The following LEF1 variants were observed in gnomAD, a reference collection of about 807,000 sequenced individuals.
LEF1 encodes lymphoid enhancer-binding factor 1.
LEF1 carries 14 observed loss-of-function variants against 51.2 expected under a neutral mutation model. That is an observed-to-expected ratio of 0.27 (90% CI 0.18 to 0.43). The LOEUF is 0.43. Ranked by LOEUF, LEF1 falls within the 20% of genes least tolerant of loss-of-function variation. The pLI is 1.00. For synonymous variants in LEF1, 185 were observed against 183.2 expected (o/e 1.01, Z -0.08); for missense variants, 386 against 512.0 (o/e 0.75, Z 2.37).
rs140504175 is a variant in LEF1, at chr4:108,051,568, G to A, written c.*7-2817C>T. Among the ~76,000 whole-genome samples, 98 of 152,320 alleles carry A rather than the reference G, an allele frequency of 6.4e-4. No homozygotes were observed. The East Asian group carries it at 0.013, about 21-fold the overall frequency. ...AGCCCAACCCACCAGTGAAGTCTGCGCAATCAAAGCCAGCAATTACTGCTC... is the reference window on the plus strand; with the variant it reads ...AGCCCAACCCACCAGTGAAGTCTGCACAATCAAAGCCAGCAATTACTGCTC... On this transcript the variant is annotated intron_variant, in intron 11 of 11. Coordinates refer to ENST00000265165, the MANE Select transcript of LEF1 (RefSeq NM_016269.5).
chr4:108,124,685 C>T (rs771248137), intron 3 of LEF1, among the ~76,000 whole-genome samples: 5 of 152,014 alleles, frequency 3.3e-5, no homozygotes, highest in Non-Finnish European at 5.9e-5. Context: ...ATTGCTTTAG[C>T]GAAACATCCA....
At chr4:108,068,097 G>A (rs1286314646) in intron 9 of LEF1, among the ~76,000 whole-genome samples, 4 of 148,934 alleles carry the variant, frequency 2.7e-5, no homozygotes, top group South Asian at 2.1e-4. Context: ...GAGAAACCCC[G>A]TCTCTACTAA....
At chr4:108,096,855 A>G (rs1345149048) in intron 3 of LEF1, among the ~76,000 whole-genome samples, 1 of 152,240 alleles carries the variant, frequency 6.6e-6, no homozygotes, top group Non-Finnish European at 1.5e-5. Context: ...AACATCATTA[A>G]TCATCAGAGA....
chr4:108,106,065 AC>A (rs894750259), intron 3 of LEF1, among the ~76,000 whole-genome samples: 1 of 152,192 alleles, frequency 6.6e-6, no homozygotes, highest in African/African-American at 2.4e-5. Flanking sequence ...CTACTACCAG[AC>A]CCAGTCACAA....
Position 108,157,164 on chromosome 4 carries a change from C to CTA in LEF1, c.414+6403_414+6404insTA, listed in dbSNP as rs1469950332. ...ACCTCTTCATTCTCTCTCTCTCTCTCTCTCTATATATATATACACACACAC... is the reference window on the plus strand; with the variant it reads ...ACCTCTTCATTCTCTCTCTCTCTCTCTATCTCTATATATATATACACACACAC... On this transcript the variant is annotated intron_variant, in intron 3 of 11. Coordinates refer to ENST00000265165, the MANE Select transcript of LEF1 (RefSeq NM_016269.5). Among the ~76,000 whole-genome samples the CTA allele has an allele frequency of 8.7e-3, 683 of 78,748 alleles. 13 individuals carry two copies. Among genetic ancestry groups the CTA allele is most frequent in the East Asian group, 0.072 (189 of 2,616 alleles). 51.7% of individuals were successfully genotyped at this position (78,748 alleles called of 152,430 possible). A position where few individuals can be genotyped will look rare whatever the true frequency, so the allele number is the denominator to read the frequency against.
At chr4:108,147,593 G>A (rs1031211850) in intron 3 of LEF1, among the ~76,000 whole-genome samples, 3 of 152,030 alleles carry the variant, frequency 2.0e-5, no homozygotes, top group Non-Finnish European at 4.4e-5. Flanking sequence ...ACTTTTTGTT[G>A]GCTTCACATT....
At chr4:108,061,215 TA>T (rs201121161) in intron 11 of LEF1, among the ~76,000 whole-genome samples, 2,415 of 152,268 alleles carry the variant, frequency 0.016, 29 homozygotes, top group African/African-American at 0.029. Context: ...GAGAATGTTT[TA>T]GGGGGGTAGG....
At chr4:108,160,485 T>C (rs550125653) in intron 3 of LEF1, among the ~76,000 whole-genome samples, 2 of 152,288 alleles carry the variant, frequency 1.3e-5, no homozygotes, top group South Asian at 2.1e-4. Context: ...TATGTCATGA[T>C]AGGTGCTTTC....
At chr4:108,062,756 G>A (rs1376078241) in intron 11 of LEF1, among the ~76,000 whole-genome samples, 1 of 152,152 alleles carries the variant, frequency 6.6e-6, no homozygotes, top group African/African-American at 2.4e-5. Context: ...TAGGGCTATG[G>A]CAGTGGTAAG....
chr4:108,138,159 G>A (rs1450874488), intron 3 of LEF1, among the ~76,000 whole-genome samples: 1 of 152,090 alleles, frequency 6.6e-6, no homozygotes, highest in South Asian at 2.1e-4. Flanking sequence ...GCCTCTACTC[G>A]GGGAGCTGGT....
At chr4:108,165,071 CAGA>C (rs1578415338) in intron 2 of LEF1, 23 bp downstream of exon 2, 1 of 1,609,072 alleles carries the variant, frequency 6.2e-7, no homozygotes, top group Admixed American at 1.7e-5. Flanking sequence ...CTGCTAAAGT[CAGA>C]AGAAGTAGAA....
intron 3 of LEF1, among the ~76,000 whole-genome samples, chr4:108,131,380 C>A (rs1742881450): frequency 7.0e-6 from 1 of 143,596 alleles, no homozygotes; most frequent in African/African-American, 2.5e-5. Context: ...AGAGCAAGAC[C>A]CTATCTCTAA....
rs2126285532 is a variant in LEF1 at position 108,078,339 on chromosome 4, G to T, written c.889C>A (p.Pro297Thr). Reference sequence around the variant, plus strand: ...GCATTCAGAGGCTTCTTAATGTGAGGTCTTTTTGGCTCCTGCTCCTTTCTC... The same window carrying T: ...GCATTCAGAGGCTTCTTAATGTGAGTTCTTTTTGGCTCCTGCTCCTTTCTC... ...EQRKEQEPKR[P>T]HIKKPLNAFM... The change falls in exon 8 of 12, where the codon CCT (proline) becomes ACT (threonine). Residue 297 changes from proline to threonine, a missense_variant. Coordinates refer to ENST00000265165, the MANE Select transcript of LEF1 (RefSeq NM_016269.5). 3 of 1,614,150 alleles carry T rather than the reference G, an allele frequency of 1.9e-6. No homozygotes were observed. The highest frequency in any genetic ancestry group is 2.5e-6 in the Non-Finnish European group (3 of 1,180,028).
At chr4:108,091,474 T>C (rs1740021167) in intron 3 of LEF1, among the ~76,000 whole-genome samples, 1 of 150,870 alleles carries the variant, frequency 6.6e-6, no homozygotes, top group African/African-American at 2.4e-5. Flanking sequence ...GAAAAAAAAA[T>C]CACACTTTTT....
intron 3 of LEF1, among the ~76,000 whole-genome samples, chr4:108,108,796 C>T (rs1318418180): frequency 2.0e-5 from 3 of 152,180 alleles, no homozygotes; most frequent in Non-Finnish European, 4.4e-5. Flanking sequence ...AACAAGCAAA[C>T]GAGCTCTTCC....
At chr4:108,079,730 C>G (rs750180742) in intron 6 of LEF1, 116 bp from the exon 7 acceptor site, 25 of 953,172 alleles carry the variant, frequency 2.6e-5, no homozygotes, top group Non-Finnish European at 3.4e-5. Context: ...CACATCTTTA[C>G]GCACAGAAGC....
chr4:108,094,455 T>C (rs1740250087), intron 3 of LEF1, among the ~76,000 whole-genome samples: 1 of 152,174 alleles, frequency 6.6e-6, no homozygotes, highest in Non-Finnish European at 1.5e-5. Context: ...CAAAGCAGCA[T>C]TCCCAGAAAT....
intron 9 of LEF1, among the ~76,000 whole-genome samples, chr4:108,069,725 AG>A (rs1738325209): frequency 6.6e-6 from 1 of 152,098 alleles, no homozygotes; most frequent in African/African-American, 2.4e-5. Flanking sequence ...GGGAGGCAGA[AG>A]CAGACAGATC....
intron 3 of LEF1, among the ~76,000 whole-genome samples, chr4:108,131,726 A>G (rs1742911218): frequency 6.6e-6 from 1 of 152,158 alleles, no homozygotes; most frequent in Admixed American, 6.5e-5. Context: ...AGTTTCTGAC[A>G]TGCTAAGAGT....
Sources: gnomAD v4.1 joint callset for allele counts (sites outside exome capture counted in the v4.1 genomes callset) on GRCh38, gnomAD v4.1.1 for gene constraint, MANE v1.5 for transcripts, NCBI Gene and HGNC (gene_info 2026-07-23, HGNC 2026-07-21) for gene names.